Variants in KANK1 observed in about 807,000 individuals in gnomAD.
KANK1 encodes KN motif and ankyrin repeat domain-containing protein 1.
Under a neutral mutation model 106.2 loss-of-function variants are expected in KANK1, and 109 were observed. That is an observed-to-expected ratio of 1.03 (90% CI 0.88 to 1.20). The LOEUF is 1.20. Ranked by LOEUF, KANK1 falls within the 50% of genes most tolerant of loss-of-function variation. The pLI is 0.00. For synonymous variants in KANK1, 873 were observed against 652.2 expected, an observed-to-expected ratio of 1.34 and a Z score of -5.16; for missense variants, 2,399 against 1,710.7, an observed-to-expected ratio of 1.40 and a Z score of -7.10.
chr9:597,434 G>C (rs1424126172), intron 1 of KANK1, among the ~76,000 whole-genome samples: 4 of 151,526 alleles, frequency 2.6e-5, no homozygotes, highest in Non-Finnish European at 1.5e-5. Flanking sequence ...TTTTATTATG[G>C]TTTTGATTTA....
rs1050642633 is a variant in KANK1, at chr9:507,576, G to C, written c.-84+2822G>C. Among the ~76,000 whole-genome samples the C allele has an allele frequency of 1.5e-4, 11 of 74,210 alleles. No individual in the cohort carries two copies. In the East Asian group the frequency reaches 3.8e-3, roughly 26 times the overall value. The allele number at this position is 74,210 out of a possible 152,430, so 48.7% of individuals were successfully genotyped here. On this transcript the variant is annotated intron_variant, in intron 1 of 11. Coordinates refer to ENST00000382297, the MANE Select transcript of KANK1 (RefSeq NM_015158.5). ...GGCTAATTTTTTTTTTTTTTTTTTT[G>C]AGATGGAGTCTCGATCTGTTGCCAG... is the stretch of plus-strand genomic sequence containing the variant.
chr9:506,450 A>T (rs140260217), intron 1 of KANK1, among the ~76,000 whole-genome samples: 6 of 152,256 alleles, frequency 3.9e-5, no homozygotes, highest in African/African-American at 1.4e-4. Flanking sequence ...GGGCACAGGG[A>T]TGCTTTCTGG....
At position 711,892 on chromosome 9, in the gene KANK1, G is replaced by A; in HGVS notation, c.1126G>A (p.Ala376Thr). 6.2e-7 allele frequency: 1 copy of A among 1,614,184 alleles called. No individual in the cohort carries two copies. Among genetic ancestry groups the A allele is most frequent in the Non-Finnish European group, 8.5e-7 (1 of 1,180,018 alleles). The change falls in exon 3 of 12, where the codon GCC becomes ACC. Residue 376 changes from alanine (A) to threonine (T), a missense_variant. By Grantham distance (58) the Ala-to-Thr change is moderately conservative (BLOSUM62 0). Transcript: ENST00000382297. ...EFRQLTADMQ[A>T]LEQKIQDSSC... ...CCGGCAACTTACAGCAGACATGCAA[G>A]CCCTGGAGCAGAAGATCCAGGACAG...
intron 1 of KANK1, among the ~76,000 whole-genome samples, chr9:598,771 C>T (rs2135780142): frequency 6.7e-6 from 1 of 148,732 alleles, no homozygotes; most frequent in South Asian, 2.1e-4. Flanking sequence ...GCTGAGATTA[C>T]AGGCGCACAC....
intron 1 of KANK1, among the ~76,000 whole-genome samples, chr9:569,991 C>T (rs568817305): frequency 6.8e-4 from 103 of 152,280 alleles, no homozygotes; most frequent in African/African-American, 2.4e-3. Context: ...CTTTTCATTA[C>T]TTTCAACACA....
At position 711,294 on chromosome 9, in the gene KANK1, G is replaced by T. The variant is rs114347114; in HGVS notation, c.528G>T (p.Pro176=). 1.1e-5 allele frequency: 18 copies of T among 1,614,154 alleles called. No individual in the cohort carries two copies. Among genetic ancestry groups the T allele is most frequent in the Non-Finnish European group, 1.1e-5 (13 of 1,180,042 alleles). Residue 176 remains proline, a synonymous_variant, in exon 3 of 12, where the codon CCG becomes CCT. Transcript: ENST00000382297. ...EQERATMQMT[P]GEFRRPRLAS... ...AGAGAGCCACCATGCAGATGACACC[G>T]GGTGAGTTCAGAAGGCCCAGGCTGG...
chr9:510,275 T>G (rs556937180), intron 1 of KANK1, among the ~76,000 whole-genome samples: 1 of 152,306 alleles, frequency 6.6e-6, no homozygotes, highest in South Asian at 2.1e-4. Context: ...TGATTAATTT[T>G]CTTTATATGG....
chr9:647,388 CAT>C (rs532936186), intron 1 of KANK1, among the ~76,000 whole-genome samples: 3 of 150,946 alleles, frequency 2.0e-5, no homozygotes, highest in South Asian at 2.1e-4. Context: ...ATATTTATGA[CAT>C]ATGAGAAATA....
intron 1 of KANK1, among the ~76,000 whole-genome samples, chr9:623,029 C>T (rs1297788618): frequency 6.6e-6 from 1 of 152,126 alleles, no homozygotes; most frequent in Non-Finnish European, 1.5e-5. Flanking sequence ...CCTCAAAGCA[C>T]AGGCAACAAA....
intron 1 of KANK1, among the ~76,000 whole-genome samples, chr9:576,184 A>G (rs911887032): frequency 1.3e-5 from 2 of 152,228 alleles, no homozygotes; most frequent in African/African-American, 2.4e-5. Flanking sequence ...GTGTTTTTAC[A>G]AAGCCCTCCA....
At chr9:619,104 A>G (rs527544084) in intron 1 of KANK1, among the ~76,000 whole-genome samples, 4 of 152,324 alleles carry the variant, frequency 2.6e-5, no homozygotes, top group African/African-American at 7.2e-5. Context: ...CTCTCTTTTT[A>G]AATGCTTACC....
At position 663,791 on chromosome 9, in the gene KANK1, C is replaced by G. The variant is rs564520159; in HGVS notation, c.-83-13099C>G. Among the ~76,000 whole-genome samples, 3 of 152,298 alleles carry G rather than the reference C, an allele frequency of 2.0e-5. No homozygotes were observed. The South Asian group carries it at 6.2e-4, about 32-fold the overall frequency. ...TTGCAGGCTCTGAGATGGTTTTAACCTGTTCCTTGGCAGTGCAGCCCTTGT... is the reference window on the plus strand; with the variant it reads ...TTGCAGGCTCTGAGATGGTTTTAACGTGTTCCTTGGCAGTGCAGCCCTTGT... On this transcript the variant is annotated intron_variant, in intron 1 of 11. Coordinates refer to ENST00000382297, the MANE Select transcript of KANK1 (RefSeq NM_015158.5).
At chr9:516,306 G>A (rs2059275281) in intron 1 of KANK1, among the ~76,000 whole-genome samples, 1 of 151,632 alleles carries the variant, frequency 6.6e-6, no homozygotes, top group African/African-American at 2.4e-5. Flanking sequence ...GGAGTAGGAG[G>A]AAAGTTTGCT....
Position 732,405 on chromosome 9 carries a change from C to T in KANK1, c.3033C>T (p.Ser1011=), listed in dbSNP as rs1229489502. ...ATGAAACAACTTCAAGTGATGATTC[C>T]AGCTCAGATGAAAGCTCTTCTTCCG... ...GGYETTSSDD[S]SSDESSSSES... Residue 1011 remains serine, a synonymous_variant, in exon 6 of 12, where the codon TCC becomes TCT. Transcript: ENST00000382297. The T allele has an allele frequency of 6.2e-7, 1 of 1,613,760 alleles. No homozygotes were observed. The highest frequency in any genetic ancestry group is 1.1e-5 in the South Asian group (1 of 91,066).
chr9:709,742 A>C (rs1309525603), intron 2 of KANK1, among the ~76,000 whole-genome samples: 1 of 151,724 alleles, frequency 6.6e-6, no homozygotes, highest in African/African-American at 2.4e-5. Flanking sequence ...CAGCCTCCCA[A>C]GTAACTGGGA....
At chr9:667,502 A>G (rs543203324) in intron 1 of KANK1, among the ~76,000 whole-genome samples, 2 of 151,984 alleles carry the variant, frequency 1.3e-5, no homozygotes, top group East Asian at 3.9e-4. Flanking sequence ...CTCCATTATT[A>G]GTCCATTATT....
chr9:647,916 T>G (rs1333890378), intron 1 of KANK1, among the ~76,000 whole-genome samples: 1 of 150,122 alleles, frequency 6.7e-6, no homozygotes, highest in East Asian at 1.9e-4. Flanking sequence ...GTTGACCCAG[T>G]ACATTGCAAC....
chr9:734,813 A>G lies in KANK1; in HGVS notation c.3311A>G (p.Lys1104Arg). 1 of 1,613,194 alleles carries G rather than the reference A, an allele frequency of 6.2e-7. No homozygotes were observed. ...CTGAAAAATACTATAAATGACCCCA[A>G]AGCTTTGACCAGCAAAGATATGGTG... ...NLLKNTINDPKALTSKDMRFC... is the reference protein window; with the variant it reads ...NLLKNTINDPRALTSKDMRFC... The change falls in exon 7 of 12, where the codon AAA becomes AGA. Residue 1104 changes from lysine (K) to arginine (R), a missense_variant. Transcript: ENST00000382297.
intron 2 of KANK1, among the ~76,000 whole-genome samples, chr9:679,077 C>T (rs931248415): frequency 5.9e-5 from 9 of 152,104 alleles, no homozygotes; most frequent in Admixed American, 3.9e-4. Context: ...TTTTCCTTCC[C>T]ACCTGGTATC....
Sources: gnomAD v4.1 joint callset for allele counts (sites outside exome capture counted in the v4.1 genomes callset) on GRCh38, gnomAD v4.1.1 for gene constraint, MANE v1.5 for transcripts, NCBI Gene and HGNC (gene_info 2026-07-23, HGNC 2026-07-21) for gene names.